The following PXK variants were observed in gnomAD, a reference collection of about 807,000 sequenced individuals.
PXK encodes the protein PX domain-containing protein kinase-like protein.
Under a neutral mutation model 84.7 loss-of-function variants are expected in PXK, and 35 were observed. That is an observed-to-expected ratio of 0.41 (90% CI 0.32 to 0.55). PXK has a LOEUF of 0.55. PXK is among the 20% of genes least tolerant of loss of function. The probability of loss-of-function intolerance (pLI) is 0.21; values close to 1 mark genes in which losing one functional copy is unlikely to be tolerated. For missense variants in PXK, 634 were observed against 699.7 expected (o/e 0.91, Z 1.06); for synonymous variants, 253 against 260.8 (o/e 0.97, Z 0.29).
chr3:58,345,414 T>C (rs920672314), intron 1 of PXK, among the ~76,000 whole-genome samples: 34 of 152,190 alleles, frequency 2.2e-4, no homozygotes, highest in African/African-American at 7.7e-4. Context: ...CTGAACTATA[T>C]ATATTTTTAA....
At chr3:58,413,184 C>G (rs905437513) in intron 17 of PXK, 2 of 592,888 alleles carry the variant, frequency 3.4e-6, no homozygotes, top group African/African-American at 3.7e-5. Flanking sequence ...TTCAGGGCCA[C>G]TAGCCACCCC....
rs1345491526 is a variant in PXK at position 58,399,346 on chromosome 3, A to T, written c.1150A>T (p.Met384Leu). Reference sequence around the variant, plus strand: ...GTCTTGTGAAGCCTGTAAAAATGGCATGCCTACCATCTCCCGGCTCTTACA... The same window carrying T: ...GTCTTGTGAAGCCTGTAAAAATGGCTTGCCTACCATCTCCCGGCTCTTACA... ...TLSCEACKNG[M>L]PTISRLLQMP... The change falls in exon 12 of 18, where the codon ATG (methionine) becomes TTG (leucine). Residue 384 changes from methionine to leucine, a missense_variant. By Grantham distance (15) the Met-to-Leu change is conservative. Around this residue, in one of 3 missense-constraint regions of PXK, gnomAD observed 273 missense variants for 283.6 expected, o/e 0.96. Transcript: ENST00000356151. The surrounding 1 kb of genome is among the most constrained non-coding windows in gnomAD (Gnocchi z 4.3). The T allele has an allele frequency of 6.2e-7, 1 of 1,614,124 alleles. No individual in the cohort carries two copies. The highest frequency in any genetic ancestry group is 1.7e-5 in the Admixed American group (1 of 60,012).
chr3:58,378,503 TTTTTTTTTTTG>T (rs1347862165), intron 3 of PXK, among the ~76,000 whole-genome samples: 3 of 80,738 alleles, frequency 3.7e-5, no homozygotes, highest in Non-Finnish European at 7.6e-5. Flanking sequence ...TTTTTTTTTT[TTTTTTTTTTTG>T]TGTGTGTGTG....
At chr3:58,340,346 C>G (rs963610288) in intron 1 of PXK, among the ~76,000 whole-genome samples, 4 of 151,432 alleles carry the variant, frequency 2.6e-5, no homozygotes, top group Admixed American at 1.3e-4. Flanking sequence ...TGGTCCCAAA[C>G]TCTTGGCCTC....
intron 13 of PXK, among the ~76,000 whole-genome samples, chr3:58,405,901 GA>G (rs1182791753): frequency 6.6e-6 from 1 of 152,138 alleles, no homozygotes; most frequent in Non-Finnish European, 1.5e-5. Flanking sequence ...TCACAAAGAA[GA>G]TATCTCTGAA....
chr3:58,421,977 C>A lies in PXK; in HGVS notation c.1529-2775C>A, dbSNP rs942414923. 21 of 985,360 alleles carry A rather than the reference C, an allele frequency of 2.1e-5. No individual in the cohort carries two copies. In the African/African-American group the frequency reaches 3.0e-4, roughly 14 times the overall value. 61.0% of individuals were successfully genotyped at this position (985,360 alleles called of 1,614,324 possible). A position where few individuals can be genotyped will look rare whatever the true frequency, so the allele number is the denominator to read the frequency against. Reference sequence around the variant, plus strand: ...TATTGGAGGTCTCTTGGCAGGAAGGCCTCATTCACATCTGAGGGGTGGAGA... The same window carrying A: ...TATTGGAGGTCTCTTGGCAGGAAGGACTCATTCACATCTGAGGGGTGGAGA... On this transcript the variant is annotated intron_variant, in intron 17 of 17. Transcript: ENST00000356151. This position sits in a 1 kb window ranked among gnomAD's most constrained non-coding sequence, Gnocchi z 5.5.
chr3:58,388,290 C>T (rs1344569269), intron 4 of PXK, among the ~76,000 whole-genome samples: 1 of 152,128 alleles, frequency 6.6e-6, no homozygotes, highest in African/African-American at 2.4e-5. Context: ...AGCTATTTCC[C>T]CTGTTCCTAA....
chr3:58,378,398 A>G (rs933576706), intron 3 of PXK, among the ~76,000 whole-genome samples: 1 of 151,032 alleles, frequency 6.6e-6, no homozygotes, highest in Non-Finnish European at 1.5e-5. Flanking sequence ...ACTCTTGAAT[A>G]TGGGCTGATA....
In PXK at chr3:58,395,016, G is replaced by A. The variant is rs763927234; in HGVS notation, c.634G>A (p.Val212Ile). Residue 212 changes from valine to isoleucine, a missense_variant, in exon 8 of 18, where the codon GTT becomes ATT. Val to Ile is a conservative substitution (Grantham distance 29, BLOSUM62 3). Coordinates refer to ENST00000356151, the MANE Select transcript of PXK (RefSeq NM_017771.5). Reference protein sequence around the residue: ...PSCLHPYIYRVTFATANESSA... With the variant: ...PSCLHPYIYRITFATANESSA... ...TTGACAGCACCCTTACATCTATCGG[G>A]TTACCTTTGCCACAGCTAATGAATC... 1 of 1,613,046 alleles carries A rather than the reference G, an allele frequency of 6.2e-7. No individual in the cohort carries two copies. Among genetic ancestry groups the A allele is most frequent in the Admixed American group, 1.7e-5 (1 of 60,006 alleles).
Position 58,421,296 on chromosome 3 carries a change from A to G in PXK, c.1529-3456A>G. The G allele has an allele frequency of 1.0e-6, 1 of 985,294 alleles. No homozygotes were observed. Among genetic ancestry groups the G allele is most frequent in the Middle Eastern group, 5.2e-4 (1 of 1,914 alleles). 61.0% of individuals were successfully genotyped at this position (985,294 alleles called of 1,614,324 possible). Reference sequence around the variant, plus strand: ...ACATGGGCCTAAGAGTCGGTGGGGAAGGGAGCCAGGCGCAGTGGCTCACAT... The same window carrying G: ...ACATGGGCCTAAGAGTCGGTGGGGAGGGGAGCCAGGCGCAGTGGCTCACAT... On this transcript the variant is annotated intron_variant, in intron 17 of 17. Transcript: ENST00000356151. The surrounding 1 kb of genome is among the most constrained non-coding windows in gnomAD (Gnocchi z 5.5).
At chr3:58,341,463 G>A (rs1036371502) in intron 1 of PXK, among the ~76,000 whole-genome samples, 2 of 152,142 alleles carry the variant, frequency 1.3e-5, no homozygotes, top group African/African-American at 4.8e-5. Flanking sequence ...TTGGGAGGCT[G>A]AGGCAGCAGA....
intron 17 of PXK, chr3:58,420,824 T>C (rs1284917550): frequency 1.4e-5 from 19 of 1,317,056 alleles, no homozygotes; most frequent in Non-Finnish European, 9.7e-6. Context: ...AAAATACAGC[T>C]CTAAAACCTG....
chr3:58,376,121 A>G (rs1229201548), intron 3 of PXK, among the ~76,000 whole-genome samples: 2 of 152,190 alleles, frequency 1.3e-5, no homozygotes, highest in Non-Finnish European at 2.9e-5. Flanking sequence ...TCTTGTTTAT[A>G]TAAATTAGCC....
intron 1 of PXK, among the ~76,000 whole-genome samples, chr3:58,355,773 G>A (rs1257787442): frequency 2.0e-5 from 3 of 152,178 alleles, no homozygotes; most frequent in African/African-American, 7.2e-5. Context: ...TACATCATTG[G>A]GGTGAACCAG....
chr3:58,374,428 C>T (rs1332138185), intron 3 of PXK, among the ~76,000 whole-genome samples: 3 of 152,160 alleles, frequency 2.0e-5, no homozygotes, highest in Admixed American at 2.0e-4. Flanking sequence ...CCCACCTCAG[C>T]CTCCCAAAAT....
chr3:58,349,274 G>A (rs1347904509), intron 1 of PXK, among the ~76,000 whole-genome samples: 1 of 151,786 alleles, frequency 6.6e-6, no homozygotes, highest in African/African-American at 2.4e-5. Context: ...TGTTGTTATG[G>A]AGAGAGATCC....
chr3:58,360,283 G>T (rs189792977), intron 1 of PXK, among the ~76,000 whole-genome samples: 1 of 152,272 alleles, frequency 6.6e-6, no homozygotes, highest in East Asian at 1.9e-4. Flanking sequence ...TCCAGGAGAG[G>T]CAGAAGTTCC....
chr3:58,362,963 G>A (rs539899612), intron 1 of PXK, among the ~76,000 whole-genome samples: 6 of 152,138 alleles, frequency 3.9e-5, no homozygotes, highest in South Asian at 2.1e-4. Context: ...TGATCCTCCC[G>A]CCTTGGCCTC....
At chr3:58,369,224 A>C (rs1445388000) in intron 2 of PXK, among the ~76,000 whole-genome samples, 1 of 152,174 alleles carries the variant, frequency 6.6e-6, no homozygotes, top group Non-Finnish European at 1.5e-5. Flanking sequence ...CCAGTTTCCC[A>C]TGGCCCAGCC....
Sources: allele counts gnomAD v4.1 joint callset (sites outside exome capture counted in the v4.1 genomes callset), GRCh38; gene constraint gnomAD v4.1.1; regional missense constraint gnomAD v4.1.1; non-coding constraint Gnocchi (gnomAD v3.1); transcripts MANE v1.5; gene names NCBI Gene and HGNC (gene_info 2026-07-23, HGNC 2026-07-21).